The following FAT4 variants were observed in gnomAD, a reference collection of about 807,000 sequenced individuals.
FAT4 encodes FAT atypical cadherin 4.
FAT4 carries 84 observed loss-of-function variants against 303.9 expected under a neutral mutation model. That is an observed-to-expected ratio of 0.28 (90% CI 0.23 to 0.33). The LOEUF is 0.33. Ranked by LOEUF, FAT4 falls within the 10% of genes least tolerant of loss-of-function variation. FAT4 has a pLI of 1.00. For missense variants in FAT4, 6,005 were observed against 6,146.8 expected (o/e 0.98, Z 0.77); for synonymous variants, 2,307 against 2,298.8 (o/e 1.00, Z -0.10).
chr4:125,440,141 C>G (rs941659680), intron 8 of FAT4, among the ~76,000 whole-genome samples: 23 of 152,192 alleles, frequency 1.5e-4, no homozygotes, highest in African/African-American at 5.5e-4. Context: ...TGGTACATAA[C>G]AGTGGTTGTC....
chr4:125,339,378 A>G (rs540128540), intron 2 of FAT4, among the ~76,000 whole-genome samples: 13 of 152,006 alleles, frequency 8.6e-5, no homozygotes, highest in South Asian at 2.1e-4. Context: ...TTGTATTTTT[A>G]GTAGAGACGG....
At chr4:125,381,021 C>T (rs1368873066) in intron 2 of FAT4, among the ~76,000 whole-genome samples, 1 of 152,216 alleles carries the variant, frequency 6.6e-6, no homozygotes, top group Non-Finnish European at 1.5e-5. Context: ...CAGAAACATT[C>T]CAATTTCAAT....
intron 7 of FAT4, among the ~76,000 whole-genome samples, chr4:125,432,948 G>T (rs1208733421): frequency 6.6e-6 from 1 of 151,946 alleles, no homozygotes; most frequent in Admixed American, 6.6e-5. Flanking sequence ...ATCTAACCTA[G>T]AATTCACAAA....
chr4:125,420,574 G>T (rs1377487907), intron 7 of FAT4, among the ~76,000 whole-genome samples: 1 of 152,134 alleles, frequency 6.6e-6, no homozygotes, highest in Non-Finnish European at 1.5e-5. Context: ...AATTCCAGAA[G>T]TTTTTGCTAC....
chr4:125,455,315 T>C (rs892249951), intron 10 of FAT4, among the ~76,000 whole-genome samples: 3 of 152,200 alleles, frequency 2.0e-5, no homozygotes, highest in African/African-American at 7.2e-5. Context: ...GATGAGTAAG[T>C]TACTTCTGTC....
intron 10 of FAT4, among the ~76,000 whole-genome samples, chr4:125,453,664 T>G (rs896850888): frequency 6.6e-6 from 1 of 150,800 alleles, no homozygotes; most frequent in African/African-American, 2.4e-5. Context: ...CGAGATCGCG[T>G]CACTGCACTC....
intron 7 of FAT4, among the ~76,000 whole-genome samples, chr4:125,427,509 A>T (rs1376262422): frequency 6.6e-6 from 1 of 152,030 alleles, no homozygotes; most frequent in African/African-American, 2.4e-5. Context: ...ATAAAACAGA[A>T]TTTTTAAAAT....
intron 7 of FAT4, among the ~76,000 whole-genome samples, chr4:125,417,959 T>G (rs1309632474): frequency 6.6e-6 from 1 of 152,198 alleles, no homozygotes; most frequent in African/African-American, 2.4e-5. Flanking sequence ...CCTTGGATAC[T>G]CTTGATATGA....
chr4:125,452,728 C>T lies in FAT4; in HGVS notation c.11718C>T (p.Cys3906=), dbSNP rs1361565271. 1.2e-6 allele frequency: 2 copies of T among 1,614,070 alleles called. No individual in the cohort carries two copies. Among genetic ancestry groups the T allele is most frequent in the Non-Finnish European group, 8.5e-7 (1 of 1,180,026 alleles). Residue 3906 remains cysteine, a synonymous_variant, in exon 10 of 18, where the codon TGC becomes TGT. Coordinates refer to ENST00000394329, the MANE Select transcript of FAT4 (RefSeq NM_001291303.3). ...GRACERDINE[C]LQSPCKNGAI... ...CGTGTGAGAGAGATATCAATGAGTGCCTGCAGAGTCCTTGCAAGAATGGTG... is the reference window on the plus strand; with the variant it reads ...CGTGTGAGAGAGATATCAATGAGTGTCTGCAGAGTCCTTGCAAGAATGGTG...
chr4:125,451,546 G>C lies in FAT4; in HGVS notation c.10536G>C (p.Leu3512=). The change falls in exon 10 of 18, where the codon CTG becomes CTC. Residue 3512 remains leucine, a synonymous_variant. Transcript: ENST00000394329. ...ATATAAATGATAACGGGCCCATGCTGACTGTCAGTGAAGGAGAAGTCATGG... is the reference window on the plus strand; with the variant it reads ...ATATAAATGATAACGGGCCCATGCTCACTGTCAGTGAAGGAGAAGTCATGG... ...LEDINDNGPM[L]TVSEGEVMEN... 6.2e-7 allele frequency: 1 copy of C among 1,614,162 alleles called. No homozygotes were observed. Among genetic ancestry groups the C allele is most frequent in the Non-Finnish European group, 8.5e-7 (1 of 1,180,026 alleles).
chr4:125,397,044 C>A (rs1332751564), intron 2 of FAT4, among the ~76,000 whole-genome samples: 1 of 150,778 alleles, frequency 6.6e-6, no homozygotes, highest in South Asian at 2.1e-4. Context: ...GCCAGTTGAA[C>A]CTGTATGTGG....
At chr4:125,433,124 A>G (rs888693239) in intron 7 of FAT4, among the ~76,000 whole-genome samples, 1 of 152,198 alleles carries the variant, frequency 6.6e-6, no homozygotes, top group African/African-American at 2.4e-5. Flanking sequence ...ATACCAGCAA[A>G]TCACTTGACT....
intron 12 of FAT4, among the ~76,000 whole-genome samples, chr4:125,473,620 C>G (rs944784054): frequency 6.6e-6 from 1 of 151,894 alleles, no homozygotes; most frequent in Non-Finnish European, 1.5e-5. Context: ...CACCTCACCC[C>G]CATTCTCCAC....
chr4:125,398,845 A>T lies in FAT4; in HGVS notation c.5237A>T (p.Asp1746Val). 1 of 1,613,022 alleles carries T rather than the reference A, an allele frequency of 6.2e-7. No homozygotes were observed. The highest frequency in any genetic ancestry group is 8.5e-7 in the Non-Finnish European group (1 of 1,179,130). ...CCAGTATTTCCAACGGACATGCTGG[A>T]TCTCACGGTAGAGGAGAACATTGGA... ...NPPVFPTDML[D>V]LTVEENIGDG... The change falls in exon 3 of 18, where the codon GAT (aspartate) becomes GTT (valine). Residue 1746 changes from aspartate to valine, a missense_variant. Asp to Val is a radical substitution (Grantham distance 152). Coordinates refer to ENST00000394329, the MANE Select transcript of FAT4 (RefSeq NM_001291303.3).
chr4:125,341,815 T>G (rs943024397), intron 2 of FAT4, among the ~76,000 whole-genome samples: 1 of 152,014 alleles, frequency 6.6e-6, no homozygotes, highest in Admixed American at 6.6e-5. Flanking sequence ...TATAAAGACA[T>G]TTGACATTTT....
intron 2 of FAT4, among the ~76,000 whole-genome samples, chr4:125,340,332 G>C (rs17192412): frequency 0.18 from 27,431 of 152,026 alleles, 2,952 homozygotes; most frequent in Non-Finnish European, 0.24. Flanking sequence ...ATTTTAACAA[G>C]TCCCTCAAGG....
chr4:125,365,089 A>T (rs761186398), intron 2 of FAT4, among the ~76,000 whole-genome samples: 8 of 152,154 alleles, frequency 5.3e-5, no homozygotes, highest in Non-Finnish European at 4.4e-5. Flanking sequence ...GATGTGGAAG[A>T]TGATGGAAGA....
Position 125,318,300 on chromosome 4 carries a change from G to C in FAT4, c.1889G>C (p.Arg630Thr). Residue 630 changes from arginine (R) to threonine (T), a missense_variant, in exon 2 of 18, where the codon AGG (arginine) becomes ACG (threonine). By Grantham distance (71) the Arg-to-Thr change is moderately conservative. Transcript: ENST00000394329. The part of the protein sequence containing the change: ...FSLQEAETDR[R>T]SFRLDPVSGR... ...TTACAAGAGGCAGAGACTGACCGGAGGTCCTTCCGTCTGGATCCTGTGTCT... is the reference window on the plus strand; with the variant it reads ...TTACAAGAGGCAGAGACTGACCGGACGTCCTTCCGTCTGGATCCTGTGTCT... The C allele has an allele frequency of 6.2e-7, 1 of 1,614,200 alleles. No homozygotes were observed. Among genetic ancestry groups the C allele is most frequent in the East Asian group, 2.2e-5 (1 of 44,860 alleles).
At chr4:125,375,152 C>A (rs934374209) in intron 2 of FAT4, among the ~76,000 whole-genome samples, 1 of 152,040 alleles carries the variant, frequency 6.6e-6, no homozygotes, top group Non-Finnish European at 1.5e-5. Context: ...TGAAATTTTC[C>A]TACAGGTCTT....
Sources: gnomAD v4.1 joint callset for allele counts (sites outside exome capture counted in the v4.1 genomes callset) on GRCh38, gnomAD v4.1.1 for gene constraint, MANE v1.5 for transcripts, NCBI Gene and HGNC (gene_info 2026-07-23, HGNC 2026-07-21) for gene names.